Variants in PCDH9 observed in about 807,000 individuals in gnomAD.
PCDH9 encodes the protein protocadherin-9.
Under a neutral mutation model 70.6 loss-of-function variants are expected in PCDH9, and 24 were observed. The observed-to-expected ratio is 0.34, with a 90% CI of 0.25 to 0.48. The LOEUF is 0.48. PCDH9 is among the 20% of genes least tolerant of loss of function. The probability of loss-of-function intolerance (pLI) is 0.99; values close to 1 mark genes in which losing one functional copy is unlikely to be tolerated. For missense variants in PCDH9, 1,281 were observed against 1,503.6 expected, an observed-to-expected ratio of 0.85 and a Z score of 2.45; for synonymous variants, 562 against 558.5, an observed-to-expected ratio of 1.01 and a Z score of -0.09.
intron 2 of PCDH9, among the ~76,000 whole-genome samples, chr13:66,913,894 GT>G (rs1334000109): frequency 6.6e-6 from 1 of 151,644 alleles, no homozygotes; most frequent in African/African-American, 2.4e-5. Flanking sequence ...ATTTCCACAT[GT>G]TTTTTTAATT....
chr13:66,717,471 AAAAAAAAAAATATATATATATATAT>A (rs1434341356), intron 3 of PCDH9, among the ~76,000 whole-genome samples: 2 of 39,274 alleles, frequency 5.1e-5, no homozygotes, highest in African/African-American at 1.4e-4. Context: ...AAAAAAAAAA[AAAAAAAAAAATATATATATATATAT>A]ATATATATAT....
intron 4 of PCDH9, among the ~76,000 whole-genome samples, chr13:66,342,758 C>T (rs1408967958): frequency 6.6e-6 from 1 of 151,212 alleles, no homozygotes; most frequent in South Asian, 2.1e-4. Context: ...TACAGGCTCC[C>T]GCCACCACAT....
chr13:67,202,327 T>C (rs1343879279), intron 2 of PCDH9: 3 of 152,146 alleles, frequency 2.0e-5, no homozygotes, highest in Non-Finnish European at 2.9e-5. Context: ...TTACATATTA[T>C]TATTGTTATG....
At chr13:66,388,078 A>G (rs934046337) in intron 4 of PCDH9, among the ~76,000 whole-genome samples, 2 of 152,200 alleles carry the variant, frequency 1.3e-5, no homozygotes, top group Non-Finnish European at 2.9e-5. Flanking sequence ...CATATTTTCA[A>G]TGAGTATTCT....
chr13:66,395,809 T>C (rs142266434), intron 4 of PCDH9, among the ~76,000 whole-genome samples: 23 of 152,050 alleles, frequency 1.5e-4, no homozygotes, highest in African/African-American at 4.6e-4. Context: ...CATTCAAAAC[T>C]GCAAAAAATG....
At chr13:67,143,764 G>A (rs1443510900) in intron 2 of PCDH9, among the ~76,000 whole-genome samples, 1 of 152,106 alleles carries the variant, frequency 6.6e-6, no homozygotes, top group South Asian at 2.1e-4. Context: ...AGAAGGGAGA[G>A]AAAGTCTGCA....
chr13:67,043,460 C>T (rs1224714077), intron 2 of PCDH9, among the ~76,000 whole-genome samples: 1 of 152,086 alleles, frequency 6.6e-6, no homozygotes, highest in Admixed American at 6.6e-5. Flanking sequence ...TCGAAAGTTT[C>T]TTTCTCTGTG....
chr13:66,479,982 T>A (rs1018190175), intron 4 of PCDH9, among the ~76,000 whole-genome samples: 5 of 152,070 alleles, frequency 3.3e-5, no homozygotes, highest in Non-Finnish European at 7.4e-5. Context: ...TCACAATAAA[T>A]CCTGCTGCTG....
At chr13:66,351,755 T>A (rs1956294794) in intron 4 of PCDH9, among the ~76,000 whole-genome samples, 1 of 151,998 alleles carries the variant, frequency 6.6e-6, no homozygotes, top group African/African-American at 2.4e-5. Flanking sequence ...TCTTCTCAAC[T>A]CTGGTCCATT....
At chr13:66,563,997 C>T (rs888511080) in intron 4 of PCDH9, among the ~76,000 whole-genome samples, 2 of 152,022 alleles carry the variant, frequency 1.3e-5, no homozygotes, top group African/African-American at 4.8e-5. Flanking sequence ...CTATCATTAC[C>T]CTTTGTATCC....
chr13:66,530,811 G>A (rs1382243867), intron 4 of PCDH9, among the ~76,000 whole-genome samples: 2 of 152,044 alleles, frequency 1.3e-5, no homozygotes, highest in African/African-American at 2.4e-5. Flanking sequence ...ATTGCGAGGA[G>A]TTTCTCTGGG....
At chr13:66,503,443 C>T (rs1417650952) in intron 4 of PCDH9, among the ~76,000 whole-genome samples, 1 of 152,150 alleles carries the variant, frequency 6.6e-6, no homozygotes, top group Non-Finnish European at 1.5e-5. Flanking sequence ...ATAACCTCTT[C>T]TATGTAACTT....
chr13:66,672,109 T>C (rs1182096022), intron 3 of PCDH9, among the ~76,000 whole-genome samples: 2 of 152,164 alleles, frequency 1.3e-5, no homozygotes, highest in African/African-American at 4.8e-5. Flanking sequence ...GTGCCCTTTG[T>C]CCCAGCCATG....
intron 2 of PCDH9, among the ~76,000 whole-genome samples, chr13:67,013,984 CTGTT>C (rs2084506676): frequency 1.3e-5 from 2 of 152,000 alleles, no homozygotes; most frequent in South Asian, 2.1e-4. Context: ...ATTTCAAACT[CTGTT>C]TATTTGTTCT....
intron 2 of PCDH9, among the ~76,000 whole-genome samples, chr13:67,150,850 A>G (rs2138384943): frequency 6.6e-6 from 1 of 152,318 alleles, no homozygotes; most frequent in Middle Eastern, 3.4e-3. Context: ...ATTGGCAAGC[A>G]CAGTTAGTCT....
intron 2 of PCDH9, among the ~76,000 whole-genome samples, chr13:67,046,763 T>G (rs2085230099): frequency 6.6e-6 from 1 of 151,802 alleles, no homozygotes; most frequent in African/African-American, 2.4e-5. Flanking sequence ...AAAAACACAC[T>G]AAGAAAATCC....
At chr13:66,779,845 C>CTATATATATATA (rs1395028159) in intron 3 of PCDH9, among the ~76,000 whole-genome samples, 42 of 42,572 alleles carry the variant, frequency 9.9e-4, no homozygotes, top group Non-Finnish European at 1.5e-3. Context: ...CTCTCTCTCT[C>CTATATATATATA]TCTCTATATA....
intron 4 of PCDH9, among the ~76,000 whole-genome samples, chr13:66,432,854 C>A (rs1957797766): frequency 6.6e-6 from 1 of 151,916 alleles, no homozygotes; most frequent in Non-Finnish European, 1.5e-5. Context: ...CAAATAGCAC[C>A]CTACTGGCTT....
chr13:67,061,402 T>G (rs530428088), intron 2 of PCDH9, among the ~76,000 whole-genome samples: 1 of 152,118 alleles, frequency 6.6e-6, no homozygotes, highest in South Asian at 2.1e-4. Context: ...TCTCTCCCTC[T>G]CTCTCTCTAT....
Sources: gnomAD v4.1 joint callset for allele counts (sites outside exome capture counted in the v4.1 genomes callset) on GRCh38, gnomAD v4.1.1 for gene constraint, MANE v1.5 for transcripts, NCBI Gene and HGNC (gene_info 2026-07-23, HGNC 2026-07-21) for gene names.